Variants in NR3C2 observed in about 807,000 individuals in gnomAD.
NR3C2 encodes the protein mineralocorticoid receptor.
NR3C2 carries 15 observed loss-of-function variants against 86.4 expected under a neutral mutation model. That is an observed-to-expected ratio of 0.17 (90% CI 0.12 to 0.27). NR3C2 has a LOEUF of 0.27. NR3C2 is among the 10% of genes least tolerant of loss of function. NR3C2 has a pLI of 1.00. For synonymous variants in NR3C2, 458 were observed against 450.5 expected (o/e 1.02, Z -0.21); for missense variants, 960 against 1,195.6 (o/e 0.80, Z 2.91).
chr4:148,130,798 TGTTTTGTTTTGTTTTG>T, intron 6 of NR3C2, among the ~76,000 whole-genome samples: 1 of 60,428 alleles, frequency 1.7e-5, no homozygotes, highest in African/African-American at 4.9e-5. Context: ...TTTTTTTTTT[TGTTTTGTTTTGTTTTG>T]TTTTGTTTTT....
At chr4:148,246,796 G>A (rs940896089) in intron 3 of NR3C2, among the ~76,000 whole-genome samples, 4 of 152,172 alleles carry the variant, frequency 2.6e-5, no homozygotes, top group East Asian at 1.9e-4. Flanking sequence ...CAAGTGATCC[G>A]CCCCGCCTTG....
At position 148,221,302 on chromosome 4, in the gene NR3C2, T is replaced by C. The variant is rs1032279742; in HGVS notation, c.1898-26440A>G. 2.0e-5 allele frequency among the ~76,000 whole-genome samples: 3 copies of C among 152,338 alleles called. No individual in the cohort carries two copies. The South Asian group carries it at 6.2e-4, about 32-fold the overall frequency. On this transcript the variant is annotated intron_variant, in intron 3 of 8. Transcript: ENST00000358102. ...TTAAATCTCAGGATTTCCAGAGTAG[T>C]AGCTTTATAAAGTCACATAAAGTGG...
In NR3C2 at chr4:148,430,765, T is replaced by G. The variant is rs561387763; in HGVS notation, c.1757+4339A>C. Among the ~76,000 whole-genome samples, 5 of 152,268 alleles carry G rather than the reference T, an allele frequency of 3.3e-5. No individual in the cohort carries two copies. In the East Asian group the frequency reaches 9.6e-4, roughly 29 times the overall value. ...TTCTCAACTGTTTATATTGAAAGTT[T>G]AGTAAAAGGGCAAACTTTGTCACAA... On this transcript the variant is annotated intron_variant, in intron 2 of 8. Coordinates refer to ENST00000358102, the MANE Select transcript of NR3C2 (RefSeq NM_000901.5).
At chr4:148,346,460 C>A (rs184214283) in intron 2 of NR3C2, among the ~76,000 whole-genome samples, 12 of 152,076 alleles carry the variant, frequency 7.9e-5, no homozygotes, top group Non-Finnish European at 1.5e-5. Context: ...TGTAGACAGG[C>A]CGAGTCTGAA....
Position 148,348,175 on chromosome 4 carries a change from C to T in NR3C2, c.1757+86929G>A, listed in dbSNP as rs532569408. Among the ~76,000 whole-genome samples the T allele has an allele frequency of 4.6e-5, 7 of 152,164 alleles. No homozygotes were observed. The South Asian group carries it at 1.5e-3, about 32-fold the overall frequency. On this transcript the variant is annotated intron_variant, in intron 2 of 8. Transcript: ENST00000358102. ...ATGCAATGCTCATCTCAGAGCAGCC[C>T]GGTCTCAAGTCACACTCTGTTTTGG...
intron 4 of NR3C2, among the ~76,000 whole-genome samples, chr4:148,174,215 A>T (rs1014822299): frequency 6.6e-6 from 1 of 152,130 alleles, no homozygotes; most frequent in Admixed American, 6.5e-5. Flanking sequence ...AATAAAGTCA[A>T]CCCTTTAAAA....
intron 2 of NR3C2, among the ~76,000 whole-genome samples, chr4:148,388,313 T>C (rs946921534): frequency 6.6e-6 from 1 of 152,220 alleles, no homozygotes; most frequent in African/African-American, 2.4e-5. Context: ...ATTTGCATCA[T>C]ACTTAATAGG....
chr4:148,296,788 C>G (rs1244649767), intron 2 of NR3C2, among the ~76,000 whole-genome samples: 1 of 152,072 alleles, frequency 6.6e-6, no homozygotes, highest in African/African-American at 2.4e-5. Context: ...TATAACTTCA[C>G]AATACTCAGG....
At chr4:148,416,864 C>A (rs1420298672) in intron 2 of NR3C2, among the ~76,000 whole-genome samples, 4 of 152,098 alleles carry the variant, frequency 2.6e-5, no homozygotes, top group Admixed American at 2.6e-4. Flanking sequence ...CAACCTCTAT[C>A]TCCTGGGTTC....
chr4:148,323,794 C>A (rs958571042), intron 2 of NR3C2, among the ~76,000 whole-genome samples: 7 of 152,132 alleles, frequency 4.6e-5, no homozygotes, highest in South Asian at 2.1e-4. Context: ...CTCCCTAGTG[C>A]GATGAACCCG....
intron 2 of NR3C2, among the ~76,000 whole-genome samples, chr4:148,427,558 GAGGGTGTCCGAACCCCAGC>G (rs1036960957): frequency 1.3e-5 from 2 of 151,678 alleles, no homozygotes; most frequent in African/African-American, 4.8e-5. Flanking sequence ...TGGTCTAGTG[GAGGGTGTCCGAACCCCAGC>G]AGGGTGAGGA....
chr4:148,379,250 G>GT (rs377153799), intron 2 of NR3C2, among the ~76,000 whole-genome samples: 18,436 of 147,036 alleles, frequency 0.13, 1,216 homozygotes, highest in Middle Eastern at 0.3. Context: ...TAAATCAAGT[G>GT]TTTTTTTTTT....
At position 148,248,425 on chromosome 4, in the gene NR3C2, T is replaced by C. The variant is rs139309928; in HGVS notation, c.1897+11553A>G. On this transcript the variant is annotated intron_variant, in intron 3 of 8. Transcript: ENST00000358102. ...ATCCTGCACTGGTTTTCCAATTAAG[T>C]TGTGGGAGGGTAAGAGAATGCAATA... Among the ~76,000 whole-genome samples, 28 of 152,236 alleles carry C rather than the reference T, an allele frequency of 1.8e-4. No individual in the cohort carries two copies. In the East Asian group the frequency reaches 4.6e-3, roughly 25 times the overall value.
intron 3 of NR3C2, among the ~76,000 whole-genome samples, chr4:148,210,407 T>G (rs1304110851): frequency 1.3e-5 from 2 of 152,124 alleles, no homozygotes; most frequent in Admixed American, 1.3e-4. Flanking sequence ...CCTGGGCTGG[T>G]CTCGAACTCC....
At position 148,260,071 on chromosome 4, in the gene NR3C2, T is replaced by C; in HGVS notation, c.1804A>G (p.Ile602Val). ...VSTGSSRPSKICLVCGDEASG... is the reference protein window; with the variant it reads ...VSTGSSRPSKVCLVCGDEASG... ...GCCTCATCCCCACACACCAAACATA[T>C]TTTTGAAGGTCTTGAAGATCCAGTA... Residue 602 changes from isoleucine (I) to valine (V), a missense_variant, in exon 3 of 9, where the codon ATA (isoleucine) becomes GTA (valine). Transcript: ENST00000358102. 1 of 1,614,074 alleles carries C rather than the reference T, an allele frequency of 6.2e-7. No individual in the cohort carries two copies. The highest frequency in any genetic ancestry group is 1.1e-5 in the South Asian group (1 of 91,086).
At chr4:148,271,436 T>C (rs528010318) in intron 2 of NR3C2, among the ~76,000 whole-genome samples, 1 of 137,560 alleles carries the variant, frequency 7.3e-6, no homozygotes, top group African/African-American at 2.8e-5. Flanking sequence ...CACAAATACT[T>C]GAAGCCTAAG....
Position 148,422,097 on chromosome 4 carries a change from T to C in NR3C2, c.1757+13007A>G, listed in dbSNP as rs72658666. The stretch of plus-strand genomic sequence containing the variant: ...CTCCTTCCTCTACTCTAGGAATCCA[T>C]TAATTTTTTCAGTTCCCTAAAAAAC... On this transcript the variant is annotated intron_variant, in intron 2 of 8. Transcript: ENST00000358102. Among the ~76,000 whole-genome samples the C allele has an allele frequency of 6.4e-3, 977 of 152,244 alleles. 11 individuals are homozygous for C. Among genetic ancestry groups the C allele is most frequent in the African/African-American group, 0.022 (928 of 41,546 alleles).
At chr4:148,125,945 T>C (rs537682603) in intron 6 of NR3C2, among the ~76,000 whole-genome samples, 16 of 152,218 alleles carry the variant, frequency 1.1e-4, no homozygotes, top group Non-Finnish European at 1.9e-4. Flanking sequence ...TACAAAATTT[T>C]TGAGAGAGAA....
intron 2 of NR3C2, among the ~76,000 whole-genome samples, chr4:148,404,260 C>T (rs1356821877): frequency 6.6e-6 from 1 of 152,042 alleles, no homozygotes; most frequent in African/African-American, 2.4e-5. Flanking sequence ...AAATTATTCA[C>T]TGATTATTTA....
Sources: gnomAD v4.1 joint callset for allele counts (sites outside exome capture counted in the v4.1 genomes callset) on GRCh38, gnomAD v4.1.1 for gene constraint, MANE v1.5 for transcripts, NCBI Gene and HGNC (gene_info 2026-07-23, HGNC 2026-07-21) for gene names.